The following COBL variants were observed in gnomAD, a reference collection of about 807,000 sequenced individuals.
COBL encodes protein cordon-bleu.
COBL carries 51 observed loss-of-function variants against 98.8 expected under a neutral mutation model. The observed-to-expected ratio is 0.52, with a 90% CI of 0.41 to 0.65. The LOEUF (loss-of-function observed/expected upper bound fraction) is 0.65. COBL is among the 30% of genes least tolerant of loss of function. The pLI is 0.00. For synonymous variants in COBL, 634 were observed against 651.7 expected, an observed-to-expected ratio of 0.97 and a Z score of 0.41; for missense variants, 1,617 against 1,617.5, an observed-to-expected ratio of 1.00 and a Z score of 0.01.
intron 5 of COBL, among the ~76,000 whole-genome samples, chr7:51,174,814 G>C (rs1788214534): frequency 6.6e-6 from 1 of 152,206 alleles, no homozygotes; most frequent in Non-Finnish European, 1.5e-5. Flanking sequence ...AAGGCAACCT[G>C]AAAGTGTGTC....
At chr7:51,025,080 T>C (rs776572601) in intron 12 of COBL, 29 bp downstream of exon 12, 33 of 1,611,674 alleles carry the variant, frequency 2.0e-5, no homozygotes, top group African/African-American at 5.3e-5. Flanking sequence ...TCTGGCCCCA[T>C]TGAAATGCGC....
chr7:51,199,353 A>G (rs1019259070), intron 2 of COBL, among the ~76,000 whole-genome samples: 1 of 152,286 alleles, frequency 6.6e-6, no homozygotes, highest in South Asian at 2.1e-4. Flanking sequence ...ACCAGTCTGT[A>G]AAGACTGGAG....
At position 51,018,905 on chromosome 7, in the gene COBL, AATAT is replaced by A. The variant is rs71018490; in HGVS notation, c.3769-1341_3769-1338del. On this transcript the variant is annotated intron_variant, in intron 12 of 12. Transcript: ENST00000265136. ...AAACTCCATCTCAAAAAAAAAAAAA[AATAT>A]ATATATATATATATATATATATATA... is the stretch of plus-strand genomic sequence containing the variant. Among the ~76,000 whole-genome samples, 230 of 34,162 alleles carry A rather than the reference AATAT, an allele frequency of 6.7e-3. 9 individuals are homozygous for A. Among genetic ancestry groups the A allele is most frequent in the African/African-American group, 0.011 (85 of 7,898 alleles). 22.4% of individuals were successfully genotyped at this position (34,162 alleles called of 152,430 possible). A position where few individuals can be genotyped will look rare whatever the true frequency, so the allele number is the denominator to read the frequency against.
chr7:51,234,185 T>C (rs1340951980), intron 1 of COBL, among the ~76,000 whole-genome samples: 1 of 152,180 alleles, frequency 6.6e-6, no homozygotes. Context: ...CACCTCATCG[T>C]GAACTGTCTC....
At chr7:51,226,258 C>T (rs1370957793) in intron 1 of COBL, among the ~76,000 whole-genome samples, 6 of 152,134 alleles carry the variant, frequency 3.9e-5, no homozygotes, top group East Asian at 1.9e-4. Context: ...CAGGCACACC[C>T]GGCTCTCCTG....
chr7:51,022,728 A>G (rs1327434475), intron 12 of COBL: 1 of 152,180 alleles, frequency 6.6e-6, no homozygotes, highest in Admixed American at 6.5e-5. Context: ...CAAGATGGAG[A>G]GGGTAAAAGA....
chr7:51,111,275 T>C (rs1219550649), intron 6 of COBL, among the ~76,000 whole-genome samples: 2 of 152,212 alleles, frequency 1.3e-5, no homozygotes, highest in Non-Finnish European at 2.9e-5. Context: ...CTATACTAAC[T>C]TACATTCCCA....
intron 1 of COBL, among the ~76,000 whole-genome samples, chr7:51,262,076 G>A (rs767986140): frequency 2.0e-5 from 3 of 152,216 alleles, no homozygotes; most frequent in Non-Finnish European, 4.4e-5. Flanking sequence ...GGCCCGTGCT[G>A]ATGGTGCAGG....
At chr7:51,101,946 G>A (rs1489958232) in intron 6 of COBL, among the ~76,000 whole-genome samples, 1 of 152,210 alleles carries the variant, frequency 6.6e-6, no homozygotes, top group East Asian at 1.9e-4. Flanking sequence ...TTTGGGAAGT[G>A]GTAAGTTGGT....
In COBL at chr7:51,017,114, T is replaced by C. The variant is rs1044505817; in HGVS notation, c.*437A>G. ...CATTCAGATTGTTCCATCTGATTCATATGTTTTTTCTAAAATTCAAAAGAT... is the reference window on the plus strand; with the variant it reads ...CATTCAGATTGTTCCATCTGATTCACATGTTTTTTCTAAAATTCAAAAGAT... On this transcript the variant is annotated 3_prime_UTR_variant, in exon 13 of 13. Transcript: ENST00000265136. 14 of 426,288 alleles carry C rather than the reference T, an allele frequency of 3.3e-5. No homozygotes were observed. Among genetic ancestry groups the C allele is most frequent in the African/African-American group, 2.2e-4 (11 of 49,166 alleles). 26.4% of individuals were successfully genotyped at this position (426,288 alleles called of 1,614,324 possible).
intron 3 of COBL, 44 bp from the exon 4 acceptor site, chr7:51,191,122 C>T (rs1001063658): frequency 1.3e-6 from 2 of 1,547,826 alleles, no homozygotes; most frequent in Non-Finnish European, 1.8e-6. Context: ...AGATATCCTC[C>T]CACAAGCCTT....
chr7:51,154,222 T>C (rs762339376), intron 5 of COBL, among the ~76,000 whole-genome samples: 15 of 152,100 alleles, frequency 9.9e-5, no homozygotes, highest in Non-Finnish European at 2.1e-4. Context: ...TCTCCACACA[T>C]AGAAGGAAGC....
chr7:51,145,118 G>A (rs182120995), intron 5 of COBL, among the ~76,000 whole-genome samples: 37 of 150,188 alleles, frequency 2.5e-4, no homozygotes, highest in Non-Finnish European at 4.4e-4. Context: ...AGGTTCAAGC[G>A]ATTCTCCTGC....
At chr7:51,099,091 C>CAA (rs542571317) in intron 6 of COBL, among the ~76,000 whole-genome samples, 42 of 95,520 alleles carry the variant, frequency 4.4e-4, no homozygotes, top group African/African-American at 1.4e-3. Flanking sequence ...TGGCCACTAT[C>CAA]AAAAAAAAAA....
At chr7:51,188,589 G>T (rs1255894648) in intron 4 of COBL, among the ~76,000 whole-genome samples, 1 of 152,192 alleles carries the variant, frequency 6.6e-6, no homozygotes, top group Non-Finnish European at 1.5e-5. Context: ...GTGGTGCCTT[G>T]GGGGTGGGGT....
At chr7:51,254,963 G>A (rs571934239) in intron 1 of COBL, among the ~76,000 whole-genome samples, 93 of 152,160 alleles carry the variant, frequency 6.1e-4, no homozygotes, top group Non-Finnish European at 1.0e-3. Context: ...CTTATACCAT[G>A]ATTCAATCTC....
intron 1 of COBL, among the ~76,000 whole-genome samples, chr7:51,244,472 A>T (rs1279488465): frequency 2.1e-5 from 3 of 146,170 alleles, no homozygotes; most frequent in Non-Finnish European, 3.0e-5. Context: ...TCAATTAGGG[A>T]ACTCTATATT....
At chr7:51,243,763 T>C (rs1382525659) in intron 1 of COBL, among the ~76,000 whole-genome samples, 7 of 152,112 alleles carry the variant, frequency 4.6e-5, no homozygotes, top group Non-Finnish European at 7.4e-5. Flanking sequence ...AGGAGGTGGC[T>C]GTGCCTGAAA....
At chr7:51,179,719 C>G (rs892415520) in intron 5 of COBL, among the ~76,000 whole-genome samples, 4 of 152,122 alleles carry the variant, frequency 2.6e-5, no homozygotes, top group African/African-American at 9.7e-5. Flanking sequence ...AAAAAGCACT[C>G]TGAATACAAG....
Sources: allele counts gnomAD v4.1 joint callset (sites outside exome capture counted in the v4.1 genomes callset), GRCh38; gene constraint gnomAD v4.1.1; transcripts MANE v1.5; gene names NCBI Gene and HGNC (gene_info 2026-07-23, HGNC 2026-07-21).